Variants in ACAP2 observed in about 807,000 individuals in gnomAD.
ACAP2 encodes the protein arf-GAP with coiled-coil, ANK repeat and PH domain-containing protein 2.
Under a neutral mutation model 115.8 loss-of-function variants are expected in ACAP2, and 39 were observed. The ratio of observed to expected loss-of-function variants is 0.34; its 90% confidence interval spans 0.26 to 0.44. The LOEUF is 0.44. Among genes scored for constraint, ACAP2 ranks in the 20% least tolerant of loss-of-function variants. The pLI is 1.00. For synonymous variants in ACAP2, 289 were observed against 315.8 expected (o/e 0.92, Z 0.90); for missense variants, 662 against 927.6 (o/e 0.71, Z 3.72).
chr3:195,374,731 T>C (rs1370061106), intron 4 of ACAP2, among the ~76,000 whole-genome samples: 2 of 109,126 alleles, frequency 1.8e-5, no homozygotes. Context: ...CTTTTCTTTT[T>C]TGAGACGGAG....
At chr3:195,436,286 G>T (rs578150059) in intron 1 of ACAP2, among the ~76,000 whole-genome samples, 98 of 151,824 alleles carry the variant, frequency 6.5e-4, no homozygotes, top group African/African-American at 2.2e-3. Flanking sequence ...GTGCCACCAT[G>T]CCCAGCCAAC....
intron 5 of ACAP2, among the ~76,000 whole-genome samples, chr3:195,344,581 C>T (rs1471670168): frequency 6.6e-6 from 1 of 151,520 alleles, no homozygotes; most frequent in African/African-American, 2.4e-5. Flanking sequence ...AGTGCGATGG[C>T]GCGATCTCAG....
intron 4 of ACAP2, among the ~76,000 whole-genome samples, chr3:195,356,888 C>G (rs917194858): frequency 6.6e-6 from 1 of 151,710 alleles, no homozygotes. Context: ...CAGGTGTGAC[C>G]CGGCATATTC....
chr3:195,310,114 A>G (rs80257646), intron 10 of ACAP2, among the ~76,000 whole-genome samples: 3,289 of 59,954 alleles, frequency 0.055, 117 homozygotes, highest in East Asian at 0.28. Context: ...AAGCATTAGA[A>G]ATTGTATTTA....
intron 10 of ACAP2, among the ~76,000 whole-genome samples, chr3:195,319,718 A>G (rs1729324470): frequency 6.6e-6 from 1 of 152,050 alleles, no homozygotes; most frequent in Admixed American, 6.5e-5. Context: ...CTTGTTTTTT[A>G]TTTTTACAGG....
chr3:195,373,384 A>G (rs1733308628), intron 4 of ACAP2, among the ~76,000 whole-genome samples: 1 of 151,172 alleles, frequency 6.6e-6, no homozygotes, highest in Non-Finnish European at 1.5e-5. Context: ...GACTATTTAA[A>G]CATTTAGTAT....
At chr3:195,319,259 A>C (rs1729292163) in intron 10 of ACAP2, among the ~76,000 whole-genome samples, 1 of 152,216 alleles carries the variant, frequency 6.6e-6, no homozygotes, top group East Asian at 1.9e-4. Flanking sequence ...CCTCATGGAG[A>C]ACCTCTCCTA....
At chr3:195,308,752 G>A in intron 11 of ACAP2, 34 bp downstream of exon 11, 1 of 1,544,622 alleles carries the variant, frequency 6.5e-7, no homozygotes, top group South Asian at 1.1e-5. Context: ...ACTGAAACTG[G>A]TAACTCACTG....
At chr3:195,303,425 A>G (rs1459273287) in intron 13 of ACAP2, among the ~76,000 whole-genome samples, 1 of 151,788 alleles carries the variant, frequency 6.6e-6, no homozygotes, top group Non-Finnish European at 1.5e-5. Flanking sequence ...ATAAATACAT[A>G]CATACATACA....
chr3:195,307,127 GAT>G, intron 12 of ACAP2, 94 bp downstream of exon 12: 1 of 935,326 alleles, frequency 1.1e-6, no homozygotes, highest in Non-Finnish European at 1.7e-6. Flanking sequence ...CTTTAGCACA[GAT>G]ACAGACAAAT....
chr3:195,409,080 G>C (rs80352965), intron 1 of ACAP2, among the ~76,000 whole-genome samples: 3,264 of 149,688 alleles, frequency 0.022, 115 homozygotes, highest in East Asian at 0.1. Context: ...GGAAGTCCCA[G>C]TCAGAGTCGC....
chr3:195,336,650 C>A (rs1003744981), intron 7 of ACAP2: 3 of 278,196 alleles, frequency 1.1e-5, no homozygotes, highest in African/African-American at 6.7e-5. Context: ...GCATCTAGTG[C>A]ATGTAAAGCA....
At chr3:195,357,265 CT>C (rs1732035577) in intron 4 of ACAP2, among the ~76,000 whole-genome samples, 1 of 152,066 alleles carries the variant, frequency 6.6e-6, no homozygotes, top group Non-Finnish European at 1.5e-5. Flanking sequence ...GTGGGAAGGA[CT>C]GTGTCTTTTG....
At chr3:195,340,334 A>T (rs944497028) in intron 6 of ACAP2, among the ~76,000 whole-genome samples, 1 of 151,768 alleles carries the variant, frequency 6.6e-6, no homozygotes, top group Non-Finnish European at 1.5e-5. Flanking sequence ...ATAAGGGCAA[A>T]AGGGAAAGAG....
intron 1 of ACAP2, among the ~76,000 whole-genome samples, chr3:195,422,625 T>C (rs889521248): frequency 3.9e-5 from 6 of 151,990 alleles, no homozygotes; most frequent in Admixed American, 1.3e-4. Flanking sequence ...AGGCATGCAC[T>C]ACTACACCTG....
intron 1 of ACAP2, among the ~76,000 whole-genome samples, chr3:195,429,628 T>G (rs1409366857): frequency 6.6e-6 from 1 of 152,074 alleles, no homozygotes; most frequent in Non-Finnish European, 1.5e-5. Context: ...GTGACAGAGG[T>G]GTAGGTGACG....
At position 195,395,232 on chromosome 3, in the gene ACAP2, C is replaced by T. The variant is rs540886167; in HGVS notation, c.54-3085G>A. 2.6e-5 allele frequency among the ~76,000 whole-genome samples: 4 copies of T among 152,136 alleles called. No individual in the cohort carries two copies. In the East Asian group the frequency reaches 7.7e-4, roughly 29 times the overall value. On this transcript the variant is annotated intron_variant, in intron 1 of 22. Coordinates refer to ENST00000326793, the MANE Select transcript of ACAP2 (RefSeq NM_012287.6). Reference sequence around the variant, plus strand: ...GAGGCCAAAATTATAGACCCCTACCCTCCATAGCTTAAAATTTAATTTAAA... The same window carrying T: ...GAGGCCAAAATTATAGACCCCTACCTTCCATAGCTTAAAATTTAATTTAAA...
At chr3:195,359,235 T>A (rs1732186939) in intron 4 of ACAP2, among the ~76,000 whole-genome samples, 1 of 152,178 alleles carries the variant, frequency 6.6e-6, no homozygotes, top group South Asian at 2.1e-4. Flanking sequence ...GAAGAAATCA[T>A]CTGCAGGTGC....
intron 4 of ACAP2, among the ~76,000 whole-genome samples, chr3:195,352,112 T>G (rs13325966): frequency 0.29 from 43,773 of 152,156 alleles, 7,221 homozygotes; most frequent in East Asian, 0.71. Context: ...CCCATAAAAT[T>G]ATAGTACTGT....
Sources: allele counts gnomAD v4.1 joint callset (sites outside exome capture counted in the v4.1 genomes callset), GRCh38; gene constraint gnomAD v4.1.1; transcripts MANE v1.5; gene names NCBI Gene and HGNC (gene_info 2026-07-23, HGNC 2026-07-21).